The following PLEKHA8 variants were observed in gnomAD, a reference collection of about 807,000 sequenced individuals.
The protein encoded by PLEKHA8 is pleckstrin homology domain containing A8.
A neutral mutation model predicts 68.2 loss-of-function variants in PLEKHA8; 36 were observed. The observed-to-expected ratio is 0.53, with a 90% CI of 0.40 to 0.70. The LOEUF is 0.70. PLEKHA8 is among the 30% of genes least tolerant of loss of function. The pLI is 0.00. For missense variants in PLEKHA8, 505 were observed against 615.4 expected, an observed-to-expected ratio of 0.82 and a Z score of 1.90; for synonymous variants, 211 against 216.1, an observed-to-expected ratio of 0.98 and a Z score of 0.20.
intron 13 of PLEKHA8, among the ~76,000 whole-genome samples, chr7:30,110,910 G>GTT (rs563375100): frequency 2.9e-5 from 4 of 136,922 alleles, no homozygotes; most frequent in Admixed American, 7.3e-5. Context: ...TTTTGAGGTT[G>GTT]TTTTTTTTTT....
At chr7:30,100,467 A>G (rs56161305) in intron 13 of PLEKHA8, among the ~76,000 whole-genome samples, 21,877 of 151,986 alleles carry the variant, frequency 0.14, 1,602 homozygotes, top group Middle Eastern at 0.19. Context: ...CAAGAGAATC[A>G]CTTGAACCTA....
chr7:30,082,020 A>T lies in PLEKHA8; in HGVS notation c.*3233A>T. Reference sequence around the variant, plus strand: ...ACCAAATTGTAACTATGAGGAGAAGATGGTCTTCTCATTGGCTCTTGATGT... The same window carrying T: ...ACCAAATTGTAACTATGAGGAGAAGTTGGTCTTCTCATTGGCTCTTGATGT... On this transcript the variant is annotated 3_prime_UTR_variant, in exon 14 of 14. Coordinates refer to ENST00000449726, the MANE Select transcript of PLEKHA8 (RefSeq NM_001197026.2). The T allele has an allele frequency of 1.1e-6, 1 of 940,048 alleles. No homozygotes were observed. Among genetic ancestry groups the T allele is most frequent in the Non-Finnish European group, 1.3e-6 (1 of 788,862 alleles). The allele number at this position is 940,048 out of a possible 1,614,324, so 58.2% of individuals were successfully genotyped here. A position where few individuals can be genotyped will look rare whatever the true frequency, so the allele number is the denominator to read the frequency against.
chr7:30,089,343 C>G (rs1192245966), downstream of PLEKHA8, among the ~76,000 whole-genome samples: 2 of 151,906 alleles, frequency 1.3e-5, no homozygotes, highest in Admixed American at 6.6e-5. Context: ...CCCGCCCCCC[C>G]ACTCCAGACC....
downstream of PLEKHA8, chr7:30,084,764 T>G (rs1166429704): frequency 1.9e-6 from 1 of 518,540 alleles, no homozygotes; most frequent in African/African-American, 2.1e-5. Context: ...CGTTTACAAA[T>G]ATAAGAACAT....
At chr7:30,056,403 T>C (rs1003297247) in intron 9 of PLEKHA8, among the ~76,000 whole-genome samples, 3 of 140,978 alleles carry the variant, frequency 2.1e-5, no homozygotes, top group African/African-American at 7.9e-5. Flanking sequence ...ATAACACATA[T>C]ATATAACATA....
At position 30,128,011 on chromosome 7, in the gene PLEKHA8, T is replaced by G. The variant is rs577118555; in HGVS notation, c.1363-1255T>G. The stretch of plus-strand genomic sequence containing the variant: ...TTTAAAGTTATTTGCCTATTGTATA[T>G]TTTCCCATTTCTTTGCTTTCATACT... On this transcript the variant is annotated intron_variant, in intron 13 of 13. Coordinates refer to the PLEKHA8 transcript ENST00000396257. Among the ~76,000 whole-genome samples the G allele has an allele frequency of 2.0e-5, 3 of 152,274 alleles. No homozygotes were observed. The South Asian group carries it at 6.2e-4, about 32-fold the overall frequency.
intron 1 of PLEKHA8, among the ~76,000 whole-genome samples, chr7:30,041,221 A>G (rs911474549): frequency 2.0e-5 from 3 of 152,126 alleles, no homozygotes; most frequent in African/African-American, 7.2e-5. Flanking sequence ...CTGGTCTCTT[A>G]CTGTGCCTTT....
chr7:30,074,486 T>C lies in PLEKHA8; in HGVS notation c.1362+354T>C, dbSNP rs578189300. On this transcript the variant is annotated intron_variant, in intron 13 of 13. Coordinates refer to ENST00000449726, the MANE Select transcript of PLEKHA8 (RefSeq NM_001197026.2). Reference sequence around the variant, plus strand: ...CCAATTCCAATGACCTTGTGAAGATTTGCCTCATAAGTGGTTGCCTTTCTG... The same window carrying C: ...CCAATTCCAATGACCTTGTGAAGATCTGCCTCATAAGTGGTTGCCTTTCTG... 2.6e-5 allele frequency among the ~76,000 whole-genome samples: 4 copies of C among 152,282 alleles called. 1 individual carries two copies. Among genetic ancestry groups the C allele is most frequent in the African/African-American group, 9.6e-5 (4 of 41,554 alleles).
chr7:30,097,265 T>C (rs1254097088), intron 13 of PLEKHA8, among the ~76,000 whole-genome samples: 1 of 152,230 alleles, frequency 6.6e-6, no homozygotes, highest in Non-Finnish European at 1.5e-5. Flanking sequence ...TAACATTTTT[T>C]CCTTCATTTC....
chr7:30,064,765 A>C (rs1793702901), intron 12 of PLEKHA8, among the ~76,000 whole-genome samples: 1 of 152,130 alleles, frequency 6.6e-6, no homozygotes, highest in African/African-American at 2.4e-5. Flanking sequence ...ATTAGTATGG[A>C]ATTTTCATGC....
At chr7:30,125,213 C>G (rs1796753329) in intron 13 of PLEKHA8, among the ~76,000 whole-genome samples, 1 of 152,118 alleles carries the variant, frequency 6.6e-6, no homozygotes, top group African/African-American at 2.4e-5. Flanking sequence ...GAAGAGTTAT[C>G]TAACCAGAGA....
At chr7:30,039,106 G>A (rs767113258) in intron 1 of PLEKHA8, among the ~76,000 whole-genome samples, 19 of 152,160 alleles carry the variant, frequency 1.2e-4, no homozygotes, top group Non-Finnish European at 2.4e-4. Flanking sequence ...GTAGAAAGGC[G>A]TTTGCACTAT....
intron 12 of PLEKHA8, among the ~76,000 whole-genome samples, chr7:30,064,890 G>T (rs999109141): frequency 4.6e-5 from 7 of 152,172 alleles, no homozygotes; most frequent in African/African-American, 1.4e-4. Flanking sequence ...GCTGTCTATG[G>T]AAGGGGAGTA....
At chr7:30,047,273 G>A (rs1337740928) in intron 3 of PLEKHA8, among the ~76,000 whole-genome samples, 9 of 151,968 alleles carry the variant, frequency 5.9e-5, no homozygotes, top group East Asian at 1.9e-4. Context: ...CTGAGCCCTC[G>A]ATGCCAGGGT....
At chr7:30,089,280 C>T (rs147485793), downstream of PLEKHA8, among the ~76,000 whole-genome samples, 1 of 152,268 alleles carries the variant, frequency 6.6e-6, no homozygotes, top group East Asian at 1.9e-4. Flanking sequence ...GAAAGAATCA[C>T]TTATCCAAGT....
At position 30,129,197 on chromosome 7, in the gene PLEKHA8, G is replaced by C. The variant is rs544107221; in HGVS notation, c.1363-69G>C. 16 of 1,610,020 alleles carry C rather than the reference G, an allele frequency of 9.9e-6. No individual in the cohort carries two copies. In the Admixed American group the frequency reaches 2.5e-4, roughly 25 times the overall value. On this transcript the variant is annotated intron_variant, in intron 13 of 13. Transcript: ENST00000396257. Reference sequence around the variant, plus strand: ...AATAATATGTAACAGGAAGTTGCTGGTTGGGACTAAAAGAGTAATGACAGT... The same window carrying C: ...AATAATATGTAACAGGAAGTTGCTGCTTGGGACTAAAAGAGTAATGACAGT...
intron 1 of PLEKHA8, among the ~76,000 whole-genome samples, chr7:30,034,294 C>CCACT (rs1435781432): frequency 6.6e-6 from 1 of 151,902 alleles, no homozygotes; most frequent in Non-Finnish European, 1.5e-5. Context: ...CAGGTGTGAG[C>CCACT]CACTGTGCCC....
At chr7:30,122,606 A>G (rs1158652153) in intron 13 of PLEKHA8, among the ~76,000 whole-genome samples, 6 of 152,202 alleles carry the variant, frequency 3.9e-5, no homozygotes, top group Admixed American at 3.9e-4. Flanking sequence ...TCCATAAGAC[A>G]TAACGTTTGT....
chr7:30,062,345 C>T (rs542334421), intron 11 of PLEKHA8, among the ~76,000 whole-genome samples: 1 of 152,262 alleles, frequency 6.6e-6, no homozygotes, highest in South Asian at 2.1e-4. Context: ...ACACTAGACT[C>T]GGAAACAGTT....
Sources: allele counts gnomAD v4.1 joint callset (sites outside exome capture counted in the v4.1 genomes callset), GRCh38; gene constraint gnomAD v4.1.1; transcripts MANE v1.5; gene names NCBI Gene and HGNC (gene_info 2026-07-23, HGNC 2026-07-21).